Variants in CERK observed in about 807,000 individuals in gnomAD.
CERK encodes the protein ceramide kinase.
A neutral mutation model predicts 63.4 loss-of-function variants in CERK; 39 were observed. That is an observed-to-expected ratio of 0.61 (90% CI 0.48 to 0.80). CERK has a LOEUF of 0.80. Among genes scored for constraint, CERK ranks in the 30% least tolerant of loss-of-function variants. The pLI is 0.00. For missense variants in CERK, 670 were observed against 714.1 expected, an observed-to-expected ratio of 0.94 and a Z score of 0.70; for synonymous variants, 302 against 280.0, an observed-to-expected ratio of 1.08 and a Z score of -0.78.
In CERK at chr22:46,686,922, C is replaced by T. The variant is rs986573459; in HGVS notation, c.*212G>A. ...AGCAGCTGCATCCGCTGAGAGTAAG[C>T]GGCGTGGGCTGCAACCCGCAGATGC... On this transcript the variant is annotated 3_prime_UTR_variant, in exon 13 of 13. Transcript: ENST00000216264. The T allele has an allele frequency of 7.6e-5, 40 of 528,014 alleles. No individual in the cohort carries two copies. Among genetic ancestry groups the T allele is most frequent in the South Asian group, 1.7e-4 (7 of 42,214 alleles). 32.7% of individuals were successfully genotyped at this position (528,014 alleles called of 1,614,324 possible). A position where few individuals can be genotyped will look rare whatever the true frequency, so the allele number is the denominator to read the frequency against.
intron 1 of CERK, among the ~76,000 whole-genome samples, chr22:46,726,777 C>T (rs1300964451): frequency 6.6e-6 from 1 of 152,004 alleles, no homozygotes; most frequent in East Asian, 1.9e-4. Context: ...CCCGCCCCTC[C>T]CCGCCCACCA....
chr22:46,695,366 GT>G (rs774032759), intron 8 of CERK, 51 bp from the exon 9 acceptor site: 6 of 1,081,206 alleles, frequency 5.5e-6, no homozygotes, highest in Non-Finnish European at 7.2e-6. Flanking sequence ...TCATTGCTTG[GT>G]TAGGATGCTG....
At chr22:46,737,900 T>C in intron 1 of CERK, 107 bp downstream of exon 1, 1 of 696,686 alleles carries the variant, frequency 1.4e-6, no homozygotes, top group Non-Finnish European at 1.8e-6. Flanking sequence ...GCCCCCGGCC[T>C]TACCACAGCC....
Position 46,738,250 on chromosome 22 carries a change from G to GGCGGGCA in CERK, c.-103_-102insTGCCCGC. The GGCGGGCA allele has an allele frequency of 2.0e-5, 13 of 663,904 alleles. No homozygotes were observed. Among genetic ancestry groups the GGCGGGCA allele is most frequent in the Non-Finnish European group, 2.4e-5 (13 of 532,856 alleles). 41.1% of individuals were successfully genotyped at this position (663,904 alleles called of 1,614,324 possible). ...GTGGCCCGGGCGGCGGGCGGCGGGC[G>GGCGGGCA]GCGGGAGGCGGCGCTGCGTCACCCC... On this transcript the variant is annotated 5_prime_UTR_variant, in exon 1 of 13. Transcript: ENST00000216264.
At chr22:46,721,671 C>T (rs765996438) in intron 1 of CERK, among the ~76,000 whole-genome samples, 18 of 152,134 alleles carry the variant, frequency 1.2e-4, no homozygotes, top group Non-Finnish European at 2.2e-4. Context: ...GTCTGCAGGA[C>T]AGTGCCTGGT....
chr22:46,712,319 C>A (rs758116905), intron 3 of CERK, 26 bp from the exon 4 acceptor site: 22 of 1,608,322 alleles, frequency 1.4e-5, no homozygotes, highest in Non-Finnish European at 8.5e-7. Context: ...ATGTAAATAA[C>A]AACGAAAATA....
At chr22:46,707,560 C>T (rs182862509) in intron 6 of CERK, among the ~76,000 whole-genome samples, 166 of 152,324 alleles carry the variant, frequency 1.1e-3, no homozygotes, top group Middle Eastern at 6.8e-3. Flanking sequence ...TCCCGGGCAC[C>T]GGGGGTTCCC....
At chr22:46,696,844 G>C (rs969160243) in intron 8 of CERK, among the ~76,000 whole-genome samples, 1 of 152,092 alleles carries the variant, frequency 6.6e-6, no homozygotes, top group Non-Finnish European at 1.5e-5. Context: ...GGGCAAAGGG[G>C]GGGGCCAGGC....
chr22:46,713,661 C>A (rs1440683734), intron 3 of CERK, among the ~76,000 whole-genome samples: 1 of 151,962 alleles, frequency 6.6e-6, no homozygotes, highest in Non-Finnish European at 1.5e-5. Context: ...AACGGAGCAT[C>A]CTTCAGTCAT....
intron 1 of CERK, among the ~76,000 whole-genome samples, chr22:46,726,433 G>A (rs980169194): frequency 2.6e-5 from 4 of 152,176 alleles, no homozygotes; most frequent in African/African-American, 9.7e-5. Flanking sequence ...TGCAGGGGAT[G>A]CTGAGGCCCA....
chr22:46,707,995 G>A lies in CERK; in HGVS notation c.570-7C>T. 1 of 1,598,250 alleles carries A rather than the reference G, an allele frequency of 6.3e-7. No homozygotes were observed. The highest frequency in any genetic ancestry group is 8.6e-7 in the Non-Finnish European group (1 of 1,169,080). ...TCCGCCGACACAGACGATGCTGCAG[G>A]AGGAACACAGCCGGTCAGGGCTCCT... On this transcript the variant is annotated splice_region_variant and splice_polypyrimidine_tract_variant and intron_variant, in intron 5 of 12. Coordinates refer to ENST00000216264, the MANE Select transcript of CERK (RefSeq NM_022766.6).
At chr22:46,702,135 C>T (rs950660739) in intron 6 of CERK, among the ~76,000 whole-genome samples, 11 of 141,310 alleles carry the variant, frequency 7.8e-5, no homozygotes, top group East Asian at 2.1e-4. Flanking sequence ...GAGTCGAGAT[C>T]GCGCCACTAT....
intron 1 of CERK, among the ~76,000 whole-genome samples, chr22:46,722,912 C>T (rs143835987): frequency 3.3e-5 from 5 of 152,214 alleles, no homozygotes; most frequent in African/African-American, 1.2e-4. Flanking sequence ...GAGGATTCCC[C>T]GTGGGTGGAG....
At chr22:46,701,903 C>T (rs1417629281) in intron 6 of CERK, among the ~76,000 whole-genome samples, 193 bp from the exon 7 acceptor site, 1 of 152,092 alleles carries the variant, frequency 6.6e-6, no homozygotes, top group African/African-American at 2.4e-5. Context: ...TGAGATTGGG[C>T]CGGGCGGTGG....
chr22:46,701,666 C>G lies in CERK; in HGVS notation c.760G>C (p.Ala254Pro), dbSNP rs748887895. The G allele has an allele frequency of 6.4e-7, 1 of 1,559,564 alleles. No individual in the cohort carries two copies. Among genetic ancestry groups the G allele is most frequent in the Admixed American group, 1.9e-5 (1 of 52,380 alleles). Reference protein sequence around the residue: ...VCYSTVGTSDAETSALHIVVG... With the variant: ...VCYSTVGTSDPETSALHIVVG... ...ACGATATGCAGCGCCGAGGTTTCTG[C>G]GTCGCTGGTGCCCACGGTGGAGTAA... The change falls in exon 7 of 13, where the codon GCA (alanine) becomes CCA (proline). Residue 254 changes from alanine to proline, a missense_variant. By Grantham distance (27) the Ala-to-Pro change is conservative. Transcript: ENST00000216264.
At chr22:46,690,798 G>A (rs1224434166) in intron 11 of CERK, among the ~76,000 whole-genome samples, 1 of 152,196 alleles carries the variant, frequency 6.6e-6, no homozygotes, top group Non-Finnish European at 1.5e-5. Flanking sequence ...AGCCTAAAGA[G>A]TCTATTTTCA....
chr22:46,727,082 A>G (rs12166179), intron 1 of CERK, among the ~76,000 whole-genome samples: 6,301 of 152,244 alleles, frequency 0.041, 418 homozygotes, highest in African/African-American at 0.14. Flanking sequence ...ATTTAGCCCA[A>G]AGACCTCTGC....
intron 1 of CERK, among the ~76,000 whole-genome samples, chr22:46,722,197 A>G (rs1181086313): frequency 1.3e-5 from 2 of 151,800 alleles, no homozygotes; most frequent in East Asian, 3.9e-4. Flanking sequence ...TTTTTGCCGT[A>G]GCTAAATGCA....
intron 6 of CERK, among the ~76,000 whole-genome samples, chr22:46,706,513 C>A (rs1186216953): frequency 6.6e-6 from 1 of 152,152 alleles, no homozygotes; most frequent in African/African-American, 2.4e-5. Flanking sequence ...AACCATTTCT[C>A]CCCTTAGTGT....
Sources: allele counts gnomAD v4.1 joint callset (sites outside exome capture counted in the v4.1 genomes callset), GRCh38; gene constraint gnomAD v4.1.1; transcripts MANE v1.5; gene names NCBI Gene and HGNC (gene_info 2026-07-23, HGNC 2026-07-21).